The following RARB variants were observed in gnomAD, a reference collection of about 807,000 sequenced individuals.
RARB encodes retinoic acid receptor beta.
RARB carries 17 observed loss-of-function variants against 51.9 expected under a neutral mutation model. The observed-to-expected ratio is 0.33, with a 90% CI of 0.22 to 0.49. The LOEUF is 0.49. Ranked by LOEUF, RARB falls within the 20% of genes least tolerant of loss-of-function variation. The pLI is 0.99. For synonymous variants in RARB, 215 were observed against 195.4 expected (o/e 1.10, Z -0.84); for missense variants, 369 against 550.8 (o/e 0.67, Z 3.30).
intron 3 of RARB, among the ~76,000 whole-genome samples, chr3:25,117,793 A>G (rs2125327899): frequency 6.6e-6 from 1 of 152,236 alleles, no homozygotes; most frequent in Admixed American, 6.5e-5. Context: ...GGAAAAATAC[A>G]CCAAAGAAAT....
intron 2 of RARB, among the ~76,000 whole-genome samples, chr3:24,924,574 T>C (rs1695278572): frequency 6.6e-6 from 1 of 152,216 alleles, no homozygotes; most frequent in Non-Finnish European, 1.5e-5. Flanking sequence ...GATATCATAT[T>C]GGACAGCATA....
intron 5 of RARB, among the ~76,000 whole-genome samples, chr3:25,327,354 T>G (rs1462326402): frequency 6.6e-6 from 1 of 152,004 alleles, no homozygotes; most frequent in Non-Finnish European, 1.5e-5. Flanking sequence ...ACTACTACAA[T>G]ATTTCAAAAT....
At chr3:25,126,372 G>A (rs557792923) in intron 3 of RARB, among the ~76,000 whole-genome samples, 1 of 152,144 alleles carries the variant, frequency 6.6e-6, no homozygotes, top group East Asian at 1.9e-4. Flanking sequence ...ATCTAGTCAG[G>A]TGATTTGAAG....
intron 3 of RARB, among the ~76,000 whole-genome samples, chr3:25,116,473 A>G (rs1699689762): frequency 6.6e-6 from 1 of 152,154 alleles, no homozygotes; most frequent in Non-Finnish European, 1.5e-5. Context: ...AAGGAAAGCC[A>G]GGATACCTGT....
intron 5 of RARB, among the ~76,000 whole-genome samples, chr3:25,293,391 A>G (rs1703835378): frequency 6.6e-6 from 1 of 152,112 alleles, no homozygotes; most frequent in Non-Finnish European, 1.5e-5. Context: ...CACTTAGACC[A>G]GTGCCTGGCA....
chr3:25,066,654 A>G lies in RARB; in HGVS notation c.-328+6478A>G, dbSNP rs576621383. Among the ~76,000 whole-genome samples, 47 of 152,158 alleles carry G rather than the reference A, an allele frequency of 3.1e-4. 2 individuals are homozygous for G. The Middle Eastern group carries it at 0.01, about 33-fold the overall frequency. ...ACACCTTTCTCTCTCTTACCCTGTCATAAGGCAGTTTTCCAAAGAACTTTA... is the reference window on the plus strand; with the variant it reads ...ACACCTTTCTCTCTCTTACCCTGTCGTAAGGCAGTTTTCCAAAGAACTTTA... On this transcript the variant is annotated intron_variant, in intron 3 of 11. Transcript: ENST00000383772.
At chr3:25,339,930 TTTC>T (rs1475423207) in intron 5 of RARB, among the ~76,000 whole-genome samples, 1 of 152,122 alleles carries the variant, frequency 6.6e-6, no homozygotes, top group African/African-American at 2.4e-5. Context: ...ATTTAAACAA[TTTC>T]TAAAAAATAA....
At chr3:24,895,664 G>A (rs920800213) in intron 2 of RARB, among the ~76,000 whole-genome samples, 1 of 150,760 alleles carries the variant, frequency 6.6e-6, no homozygotes, top group Non-Finnish European at 1.5e-5. Context: ...CCCAGGCTGG[G>A]TCTTTAAAAA....
intron 5 of RARB, among the ~76,000 whole-genome samples, chr3:25,408,160 G>A (rs937795910): frequency 2.7e-4 from 41 of 152,078 alleles, no homozygotes; most frequent in Non-Finnish European, 3.5e-4. Context: ...TAACTACACT[G>A]AACAGGCTCT....
chr3:24,873,208 T>G (rs1314934079), intron 2 of RARB, among the ~76,000 whole-genome samples: 1 of 152,242 alleles, frequency 6.6e-6, no homozygotes, highest in Non-Finnish European at 1.5e-5. Context: ...AGGTTAGAAT[T>G]ATCTCTTATG....
chr3:25,114,793 T>C (rs764466762), intron 3 of RARB, among the ~76,000 whole-genome samples: 13 of 152,208 alleles, frequency 8.5e-5, no homozygotes, highest in Non-Finnish European at 1.8e-4. Context: ...CAAATGATGG[T>C]TGGCAGCTTA....
At chr3:25,217,496 A>AC (rs11341775) in intron 5 of RARB, among the ~76,000 whole-genome samples, 1,824 of 150,820 alleles carry the variant, frequency 0.012, 35 homozygotes, top group African/African-American at 0.04. Context: ...GCCTACTCCC[A>AC]CCCCCCCCAA....
At chr3:25,405,760 C>T (rs759635495) in intron 5 of RARB, among the ~76,000 whole-genome samples, 4 of 152,156 alleles carry the variant, frequency 2.6e-5, no homozygotes, top group Admixed American at 6.5e-5. Flanking sequence ...CAGATATTTC[C>T]GTCATCACAG....
intron 2 of RARB, among the ~76,000 whole-genome samples, chr3:24,922,767 G>A (rs1278764818): frequency 2.6e-5 from 4 of 151,972 alleles, no homozygotes; most frequent in African/African-American, 9.7e-5. Context: ...ATTCATAATA[G>A]AAAGACTAAG....
intron 2 of RARB, among the ~76,000 whole-genome samples, chr3:24,867,601 G>A (rs917304191): frequency 6.6e-6 from 1 of 152,120 alleles, no homozygotes; most frequent in Admixed American, 6.5e-5. Flanking sequence ...CTTCTGTAGG[G>A]GAGGGAGCCT....
chr3:25,238,153 C>CG (rs1553647339), intron 5 of RARB, among the ~76,000 whole-genome samples: 16 of 151,904 alleles, frequency 1.1e-4, no homozygotes, highest in African/African-American at 3.1e-4. Context: ...CTCCAGCGCC[C>CG]CCCCACACAT....
chr3:25,584,949 A>T, intron 5 of RARB, among the ~76,000 whole-genome samples: 1 of 141,334 alleles, frequency 7.1e-6, no homozygotes, highest in Non-Finnish European at 1.5e-5. Flanking sequence ...TCCTCCCCTC[A>T]CCCTCCGCCC....
At position 25,408,111 on chromosome 3, in the gene RARB, C is replaced by A. The variant is rs147360221; in HGVS notation, c.179-53082C>A. On this transcript the variant is annotated intron_variant, in intron 5 of 11. Transcript: ENST00000383772. Reference sequence around the variant, plus strand: ...GTCTCAATGTCTGTTTCTGGGGGACCAAACCCAAAATAAAAATATAACATA... The same window carrying A: ...GTCTCAATGTCTGTTTCTGGGGGACAAAACCCAAAATAAAAATATAACATA... Among the ~76,000 whole-genome samples, 440 of 152,186 alleles carry A rather than the reference C, an allele frequency of 2.9e-3. 7 individuals are homozygous for A. The highest frequency in any genetic ancestry group is 9.9e-3 in the African/African-American group (411 of 41,520).
At chr3:24,909,482 C>T (rs964938116) in intron 2 of RARB, among the ~76,000 whole-genome samples, 4 of 152,058 alleles carry the variant, frequency 2.6e-5, no homozygotes, top group Non-Finnish European at 5.9e-5. Flanking sequence ...CACACGAGGC[C>T]TGTCTCCTAC....
Sources: allele counts gnomAD v4.1 joint callset (sites outside exome capture counted in the v4.1 genomes callset), GRCh38; gene constraint gnomAD v4.1.1; transcripts MANE v1.5; gene names NCBI Gene and HGNC (gene_info 2026-07-23, HGNC 2026-07-21).